Variants in GALR2 observed in about 807,000 individuals in gnomAD.
GALR2 encodes the protein galanin receptor type 2.
A neutral mutation model predicts 7.2 loss-of-function variants in GALR2; 5 were observed. That is an observed-to-expected ratio of 0.69 (90% confidence interval 0.36 to 1.45). The LOEUF (loss-of-function observed/expected upper bound fraction) is 1.45. GALR2 is among the 40% of genes most tolerant of loss of function. GALR2 has a pLI of 0.03. For missense variants in GALR2, 561 were observed against 555.7 expected (o/e 1.01, Z -0.10); for synonymous variants, 300 against 263.9 (o/e 1.14, Z -1.32).
upstream of GALR2, chr17:76,072,778 G>C: frequency 3.6e-6 from 2 of 555,372 alleles, no homozygotes; most frequent in Non-Finnish European, 6.2e-6. This position sits in a 1 kb window ranked among gnomAD's most constrained non-coding sequence, Gnocchi z 4.5. Context: ...GCGGAGAACC[G>C]GAGGTGGACC....
chr17:76,072,407 C>A, upstream of GALR2: 1 of 1,599,030 alleles, frequency 6.3e-7, no homozygotes, highest in Non-Finnish European at 8.5e-7. The surrounding 1 kb of genome is among the most constrained non-coding windows in gnomAD (Gnocchi z 4.5). Flanking sequence ...CCACGTCCAC[C>A]GCCGCTACCG....
upstream of GALR2, chr17:76,072,719 C>T (rs747817393): frequency 1.5e-3 from 1,192 of 793,478 alleles, 5 homozygotes; most frequent in Non-Finnish European, 2.0e-3. This position sits in a 1 kb window ranked among gnomAD's most constrained non-coding sequence, Gnocchi z 4.5. Flanking sequence ...GCAGTGAGAC[C>T]GTGGCTGCTG....
chr17:76,077,375 C>T lies in GALR2; in HGVS notation c.1108C>T (p.Pro370Ser), dbSNP rs758460927. ...QPCILEPCPG[P>S]SWQGPKAGDS... ...ATGCATCCTCGAGCCCTGTCCTGGC[C>T]CGTCCTGGCAGGGCCCAAAGGCAGG... The change falls in exon 2 of 2, where the codon CCG becomes TCG. Residue 370 changes from proline to serine, a missense_variant. Transcript: ENST00000329003. 4.8e-6 allele frequency: 7 copies of T among 1,457,506 alleles called. No individual in the cohort carries two copies. In the Admixed American group the frequency reaches 9.1e-5, roughly 19 times the overall value. The allele number at this position is 1,457,506 out of a possible 1,614,324, so 90.3% of individuals were successfully genotyped here. A position where few individuals can be genotyped will look rare whatever the true frequency, so the allele number is the denominator to read the frequency against.
At position 76,076,908 on chromosome 17, in the gene GALR2, T is replaced by C. The variant is rs2066892235; in HGVS notation, c.641T>C (p.Leu214Pro). 6.2e-7 allele frequency: 1 copy of C among 1,602,182 alleles called. No individual in the cohort carries two copies. Among genetic ancestry groups the C allele is most frequent in the East Asian group, 2.2e-5 (1 of 44,808 alleles). Residue 214 changes from leucine (L) to proline (P), a missense_variant, in exon 2 of 2, where the codon CTC becomes CCC. Coordinates refer to ENST00000329003, the MANE Select transcript of GALR2 (RefSeq NM_003857.4). This position sits in a 1 kb window ranked among gnomAD's most constrained non-coding sequence, Gnocchi z 6.5. ...ACCTACGCGCGCACCTTGCGCTACCTCTGGCGCGCCGTCGACCCGGTGGCC... is the reference window on the plus strand; with the variant it reads ...ACCTACGCGCGCACCTTGCGCTACCCCTGGCGCGCCGTCGACCCGGTGGCC... ...GLTYARTLRY[L>P]WRAVDPVAAG...
rs2144549176 is a variant in GALR2, at chr17:76,076,914, G to A, written c.647G>A (p.Arg216His). 2 of 1,602,016 alleles carry A rather than the reference G, an allele frequency of 1.2e-6. No individual in the cohort carries two copies. Among genetic ancestry groups the A allele is most frequent in the East Asian group, 4.5e-5 (2 of 44,794 alleles). ...TYARTLRYLW[R>H]AVDPVAAGSG... ...GCGCGCACCTTGCGCTACCTCTGGC[G>A]CGCCGTCGACCCGGTGGCCGCGGGC... is the stretch of plus-strand genomic sequence containing the variant. The change falls in exon 2 of 2, where the codon CGC (arginine) becomes CAC (histidine). Residue 216 changes from arginine to histidine, a missense_variant. Coordinates refer to ENST00000329003, the MANE Select transcript of GALR2 (RefSeq NM_003857.4). This position sits in a 1 kb window ranked among gnomAD's most constrained non-coding sequence, Gnocchi z 6.5.
chr17:76,077,301 T>A lies in GALR2; in HGVS notation c.1034T>A (p.Met345Lys). The A allele has an allele frequency of 6.3e-7, 1 of 1,592,450 alleles. No homozygotes were observed. The highest frequency in any genetic ancestry group is 8.5e-7 in the Non-Finnish European group (1 of 1,175,474). ...CGCGAGTCCAGCGACCTGTTGCACATGAGCGAGGCGGCGGGGGCCCTTCGT... is the reference window on the plus strand; with the variant it reads ...CGCGAGTCCAGCGACCTGTTGCACAAGAGCGAGGCGGCGGGGGCCCTTCGT... ...LERESSDLLH[M>K]SEAAGALRPC... Residue 345 changes from methionine to lysine, a missense_variant, in exon 2 of 2, where the codon ATG becomes AAG. Transcript: ENST00000329003.
In GALR2 at chr17:76,075,268, G is replaced by T; in HGVS notation, c.368+17G>T. The stretch of plus-strand genomic sequence containing the variant: ...CCTGGACAGGTGAGCCAGCGCCTTG[G>T]CCTCCCTGGGAGATGGGCATCCACG... On this transcript the variant is annotated intron_variant, in intron 1 of 1. Transcript: ENST00000329003. This position sits in a 1 kb window ranked among gnomAD's most constrained non-coding sequence, Gnocchi z 5.9. 1 of 1,587,396 alleles carries T rather than the reference G, an allele frequency of 6.3e-7. No homozygotes were observed.
rs774634587 is a variant in GALR2, at chr17:76,075,003, C to A, written c.120C>A (p.Thr40=). ...LLFALIFLVG[T]VGNTLVLAVL... ...TCGCGCTCATCTTCCTCGTGGGCAC[C>A]GTGGGCAACACGCTGGTGCTGGCGG... is the stretch of plus-strand genomic sequence containing the variant. Residue 40 remains threonine (T), a synonymous_variant, in exon 1 of 2, where the codon ACC becomes ACA. Transcript: ENST00000329003. The surrounding 1 kb of genome is among the most constrained non-coding windows in gnomAD (Gnocchi z 5.9). 10 of 1,607,728 alleles carry A rather than the reference C, an allele frequency of 6.2e-6. No individual in the cohort carries two copies. In the Admixed American group the frequency reaches 1.7e-4, roughly 27 times the overall value.
In GALR2 at chr17:76,075,120, G is replaced by A. The variant is rs1252957356; in HGVS notation, c.237G>A (p.Val79=). ...VADLCFILCC[V]PFQATIYTLD... ...ACCTGTGTTTCATCCTGTGCTGCGT[G>A]CCCTTCCAGGCCACCATCTACACCC... The change falls in exon 1 of 2, where the codon GTG becomes GTA. Residue 79 remains valine, a synonymous_variant. Transcript: ENST00000329003. This position sits in a 1 kb window ranked among gnomAD's most constrained non-coding sequence, Gnocchi z 5.9. 6.2e-7 allele frequency: 1 copy of A among 1,611,940 alleles called. No individual in the cohort carries two copies. Among genetic ancestry groups the A allele is most frequent in the Non-Finnish European group, 8.5e-7 (1 of 1,179,922 alleles).
rs947434104 is a variant in GALR2, at chr17:76,075,420, C to A, written c.368+169C>A. On this transcript the variant is annotated intron_variant, in intron 1 of 1. Transcript: ENST00000329003. This position sits in a 1 kb window ranked among gnomAD's most constrained non-coding sequence, Gnocchi z 5.9. ...AAAAAGAGGAATAAGAATGGGGGACCGTGGTGTCCCTCGGTTAGATGCGTC... is the reference window on the plus strand; with the variant it reads ...AAAAAGAGGAATAAGAATGGGGGACAGTGGTGTCCCTCGGTTAGATGCGTC... Among the ~76,000 whole-genome samples the A allele has an allele frequency of 2.0e-5, 3 of 152,314 alleles. No individual in the cohort carries two copies. The highest frequency in any genetic ancestry group is 7.2e-5 in the African/African-American group (3 of 41,570).
Position 76,076,667 on chromosome 17 carries a change from C to A in GALR2, c.400C>A (p.Arg134Ser), listed in dbSNP as rs943305588. Reference sequence around the variant, plus strand: ...GGCCATCCGCTACCCGCTGCACTCCCGCGAGCTGCGCACGCCTCGAAACGC... The same window carrying A: ...GGCCATCCGCTACCCGCTGCACTCCAGCGAGCTGCGCACGCCTCGAAACGC... ...YLAIRYPLHS[R>S]ELRTPRNALA... The change falls in exon 2 of 2, where the codon CGC becomes AGC. Residue 134 changes from arginine (R) to serine (S), a missense_variant. Arg to Ser is a moderately radical substitution (Grantham distance 110, BLOSUM62 -1). Coordinates refer to ENST00000329003, the MANE Select transcript of GALR2 (RefSeq NM_003857.4). This position sits in a 1 kb window ranked among gnomAD's most constrained non-coding sequence, Gnocchi z 6.5. 2 of 1,595,504 alleles carry A rather than the reference C, an allele frequency of 1.3e-6. No individual in the cohort carries two copies. Among genetic ancestry groups the A allele is most frequent in the Non-Finnish European group, 1.7e-6 (2 of 1,176,028 alleles).
chr17:76,072,751 C>T (rs2144541641), upstream of GALR2: 2 of 613,048 alleles, frequency 3.3e-6, no homozygotes. The surrounding 1 kb of genome is among the most constrained non-coding windows in gnomAD (Gnocchi z 4.5). Flanking sequence ...GGCAGTCCCA[C>T]CTCCCACCCA....
upstream of GALR2, among the ~76,000 whole-genome samples, chr17:76,074,571 CGGG>C (rs2066878457): frequency 1.3e-5 from 2 of 152,194 alleles, no homozygotes; most frequent in African/African-American, 2.4e-5. The surrounding 1 kb of genome is among the most constrained non-coding windows in gnomAD (Gnocchi z 6.7). Flanking sequence ...CCCCCGACTG[CGGG>C]GGCTGGAGCT....
Position 76,077,226 on chromosome 17 carries a change from G to A in GALR2, c.959G>A (p.Gly320Asp). ...LLGRAPGRASGRVCAAARGTH... is the reference protein window; with the variant it reads ...LLGRAPGRASDRVCAAARGTH... ...GGCCGTGCCCCAGGCCGAGCCTCGG[G>A]CCGTGTGTGCGCTGCCGCGCGGGGC... is the stretch of plus-strand genomic sequence containing the variant. Residue 320 changes from glycine to aspartate, a missense_variant, in exon 2 of 2, where the codon GGC becomes GAC. Transcript: ENST00000329003. 6.2e-7 allele frequency: 1 copy of A among 1,606,996 alleles called. No individual in the cohort carries two copies. The highest frequency in any genetic ancestry group is 1.7e-5 in the Admixed American group (1 of 59,326).
At position 76,076,501 on chromosome 17, in the gene GALR2, C is replaced by T. The variant is rs969716191; in HGVS notation, c.369-135C>T. On this transcript the variant is annotated intron_variant, in intron 1 of 1. Coordinates refer to ENST00000329003, the MANE Select transcript of GALR2 (RefSeq NM_003857.4). The surrounding 1 kb of genome is among the most constrained non-coding windows in gnomAD (Gnocchi z 6.5). ...CCCTCACGCCGAGCCTCACCCCCAC[C>T]TCCTCTGTGTGCGGTGTAACCATGC... The T allele has an allele frequency of 1.6e-5, 10 of 609,426 alleles. No homozygotes were observed. The highest frequency in any genetic ancestry group is 2.5e-5 in the Non-Finnish European group (9 of 353,204). 37.8% of individuals were successfully genotyped at this position (609,426 alleles called of 1,614,324 possible). A position where few individuals can be genotyped will look rare whatever the true frequency, so the allele number is the denominator to read the frequency against.
Position 76,077,197 on chromosome 17 carries a change from G to T in GALR2, c.930G>T (p.Leu310=). 1 of 1,609,320 alleles carries T rather than the reference G, an allele frequency of 6.2e-7. No homozygotes were observed. The change falls in exon 2 of 2, where the codon CTG becomes CTT. Residue 310 remains leucine (L), a synonymous_variant. Transcript: ENST00000329003. ...RKGFRTICAG[L]LGRAPGRASG... ...GCTTCCGCACGATCTGCGCGGGCCT[G>T]CTGGGCCGTGCCCCAGGCCGAGCCT... is the stretch of plus-strand genomic sequence containing the variant.
chr17:76,076,632 G>A lies in GALR2; in HGVS notation c.369-4G>A, dbSNP rs2144548328. 1 of 1,567,608 alleles carries A rather than the reference G, an allele frequency of 6.4e-7. No individual in the cohort carries two copies. The highest frequency in any genetic ancestry group is 8.6e-7 in the Non-Finnish European group (1 of 1,160,112). ...CGACGTCTCCCTTCCCGGTCTGACC[G>A]CAGGTATCTGGCCATCCGCTACCCG... On this transcript the variant is annotated splice_region_variant and splice_polypyrimidine_tract_variant and intron_variant, in intron 1 of 1. Coordinates refer to ENST00000329003, the MANE Select transcript of GALR2 (RefSeq NM_003857.4). This position sits in a 1 kb window ranked among gnomAD's most constrained non-coding sequence, Gnocchi z 6.5.
chr17:76,072,485 C>G, upstream of GALR2: 1 of 1,584,094 alleles, frequency 6.3e-7, no homozygotes, highest in Non-Finnish European at 8.5e-7. The surrounding 1 kb of genome is among the most constrained non-coding windows in gnomAD (Gnocchi z 4.5). Context: ...TGCTTCTCAG[C>G]AGCCATCTTG....
At chr17:76,072,351 T>A, upstream of GALR2, 1 of 1,612,894 alleles carries the variant, frequency 6.2e-7, no homozygotes, top group South Asian at 1.1e-5. This position sits in a 1 kb window ranked among gnomAD's most constrained non-coding sequence, Gnocchi z 4.5. Flanking sequence ...TTGCCTTCGA[T>A]CCGGCCGAAG....
Sources: allele counts gnomAD v4.1 joint callset (sites outside exome capture counted in the v4.1 genomes callset), GRCh38; gene constraint gnomAD v4.1.1; non-coding constraint Gnocchi (gnomAD v3.1); transcripts MANE v1.5; gene names NCBI Gene and HGNC (gene_info 2026-07-23, HGNC 2026-07-21).